CCDC38: variants seen among roughly 807,000 people sequenced by gnomAD.
The protein encoded by CCDC38 is coiled-coil domain containing 38.
Under a neutral mutation model 72.8 loss-of-function variants are expected in CCDC38, and 69 were observed. The ratio of observed to expected loss-of-function variants is 0.95; its 90% CI spans 0.78 to 1.16. CCDC38 has a LOEUF of 1.16. CCDC38 is among the 50% of genes most tolerant of loss of function. The pLI is 0.00. For missense variants in CCDC38, 626 were observed against 638.9 expected, an observed-to-expected ratio of 0.98 and a Z score of 0.22; for synonymous variants, 201 against 213.2, an observed-to-expected ratio of 0.94 and a Z score of 0.50.
chr12:95,932,512 A>G (rs922063048), intron 2 of CCDC38, among the ~76,000 whole-genome samples: 3 of 152,124 alleles, frequency 2.0e-5, no homozygotes, highest in African/African-American at 4.8e-5. Context: ...ACTGTCTCCA[A>G]TCGTACTGAT....
Position 95,898,401 on chromosome 12 carries a change from C to A in CCDC38, c.598G>T (p.Val200Leu). Residue 200 changes from valine (V) to leucine (L), a missense_variant, in exon 7 of 16, where the codon GTA becomes TTA. Transcript: ENST00000344280. ...TAELKKASME[V>L]QAVKSEIAKT... ...CACCCTCACCTTTTCACTGCTTGTA[C>A]CTCCATGCTTGCTTTCTTCAGCTCT... 6.2e-7 allele frequency: 1 copy of A among 1,614,166 alleles called. No homozygotes were observed. The highest frequency in any genetic ancestry group is 8.5e-7 in the Non-Finnish European group (1 of 1,180,032).
At chr12:95,927,018 G>A (rs1193199034) in intron 2 of CCDC38, among the ~76,000 whole-genome samples, 1 of 152,136 alleles carries the variant, frequency 6.6e-6, no homozygotes, top group Non-Finnish European at 1.5e-5. Flanking sequence ...TGTATATTCT[G>A]TTGATTTGGG....
rs148117716 is a variant in CCDC38 at position 95,869,744 on chromosome 12, C to T, written c.1485-171G>A. ...GGCTTTTGAATATTCAGGTAAATCTCGACAACAAATACTATTTTGAAATGG... is the reference window on the plus strand; with the variant it reads ...GGCTTTTGAATATTCAGGTAAATCTTGACAACAAATACTATTTTGAAATGG... On this transcript the variant is annotated intron_variant, in intron 14 of 15. Transcript: ENST00000344280. The T allele has an allele frequency of 5.0e-3, 2,708 of 536,996 alleles. 15 individuals are homozygous for T. Among genetic ancestry groups the T allele is most frequent in the Middle Eastern group, 9.5e-3 (20 of 2,102 alleles). The allele number at this position is 536,996 out of a possible 1,614,324, so 33.3% of individuals were successfully genotyped here.
chr12:95,935,418 C>T (rs1308436478), intron 2 of CCDC38: 1 of 166,870 alleles, frequency 6.0e-6, no homozygotes, highest in Non-Finnish European at 1.3e-5. Flanking sequence ...GATGTAATCA[C>T]TGGTGTGGAA....
intron 13 of CCDC38, among the ~76,000 whole-genome samples, chr12:95,875,317 G>A (rs1174059628): frequency 6.6e-6 from 1 of 152,148 alleles, no homozygotes; most frequent in African/African-American, 2.4e-5. Flanking sequence ...AAAATTTCTT[G>A]AGAGGTACAC....
chr12:95,911,145 C>T (rs1289442717), intron 4 of CCDC38, among the ~76,000 whole-genome samples: 1 of 151,982 alleles, frequency 6.6e-6, no homozygotes, highest in Non-Finnish European at 1.5e-5. Context: ...GGAGAGGATC[C>T]CCTTTTCAAT....
At chr12:95,928,727 T>A (rs2080301166) in intron 2 of CCDC38, among the ~76,000 whole-genome samples, 1 of 152,226 alleles carries the variant, frequency 6.6e-6, no homozygotes, top group South Asian at 2.1e-4. Flanking sequence ...GCTGTGGATG[T>A]CTTTTCTGTT....
chr12:95,870,305 T>C (rs1373892374), intron 14 of CCDC38, among the ~76,000 whole-genome samples: 1 of 152,184 alleles, frequency 6.6e-6, no homozygotes, highest in Non-Finnish European at 1.5e-5. Flanking sequence ...TGTCATACTC[T>C]CTTTAGGGTT....
intron 2 of CCDC38, among the ~76,000 whole-genome samples, chr12:95,928,327 G>T (rs1168170146): frequency 6.6e-6 from 1 of 152,146 alleles, no homozygotes; most frequent in East Asian, 1.9e-4. Flanking sequence ...CCAGTTGATC[G>T]CATCAGCTCC....
intron 13 of CCDC38, among the ~76,000 whole-genome samples, chr12:95,875,712 T>C (rs1373752517): frequency 6.6e-6 from 1 of 152,124 alleles, no homozygotes; most frequent in Non-Finnish European, 1.5e-5. Flanking sequence ...ACATTTCACA[T>C]CTCTAGAAGA....
intron 5 of CCDC38, among the ~76,000 whole-genome samples, chr12:95,900,218 G>A (rs2079936315): frequency 6.6e-6 from 1 of 152,170 alleles, no homozygotes; most frequent in African/African-American, 2.4e-5. Flanking sequence ...CTGGAGCAGA[G>A]TGAGCAAGAG....
chr12:95,918,345 A>G (rs942795922), intron 3 of CCDC38, among the ~76,000 whole-genome samples: 1 of 152,136 alleles, frequency 6.6e-6, no homozygotes, highest in African/African-American at 2.4e-5. Context: ...TCTTATCCAT[A>G]TCTGATTCTT....
chr12:95,870,058 G>A (rs1317791664), intron 14 of CCDC38, among the ~76,000 whole-genome samples: 1 of 152,044 alleles, frequency 6.6e-6, no homozygotes, highest in Non-Finnish European at 1.5e-5. Flanking sequence ...TCCTGACCTC[G>A]TGATCTGCCC....
chr12:95,908,280 C>G (rs1284573595), intron 4 of CCDC38, among the ~76,000 whole-genome samples: 2 of 151,146 alleles, frequency 1.3e-5, no homozygotes, highest in African/African-American at 2.4e-5. Context: ...GCCAACACAG[C>G]GAAACCCCGT....
At position 95,918,901 on chromosome 12, in the gene CCDC38, T is replaced by C. The variant is rs371858893; in HGVS notation, c.113A>G (p.Glu38Gly). ...CGTTTCCTTTGCTGCCATTTCATTT[T>C]CTTTGACAAGAAAGAGATCTCTGAA... ...IFFRDLFLVKENEMAAKETEK... is the reference protein window; with the variant it reads ...IFFRDLFLVKGNEMAAKETEK... The change falls in exon 3 of 16, where the codon GAA becomes GGA. Residue 38 changes from glutamate to glycine, a missense_variant. Physicochemically the swap from Glu to Gly is moderately conservative, Grantham distance 98 (BLOSUM62 -2). Coordinates refer to ENST00000344280, the MANE Select transcript of CCDC38 (RefSeq NM_182496.3). The C allele has an allele frequency of 1.1e-5, 17 of 1,610,722 alleles. No homozygotes were observed. Among genetic ancestry groups the C allele is most frequent in the Admixed American group, 1.0e-4 (6 of 59,968 alleles).
At chr12:95,935,614 A>C (rs2080384711) in intron 2 of CCDC38, 1 of 211,798 alleles carries the variant, frequency 4.7e-6, no homozygotes, top group Non-Finnish European at 1.0e-5. Context: ...CATTGTAAAT[A>C]CAAATAGTGT....
chr12:95,917,817 G>T (rs965676758), intron 3 of CCDC38, among the ~76,000 whole-genome samples: 5 of 146,246 alleles, frequency 3.4e-5, no homozygotes, highest in Non-Finnish European at 6.0e-5. Context: ...GTGGCAGTGA[G>T]CCGAGATCAC....
At chr12:95,876,550 T>G (rs1049576886) in intron 13 of CCDC38, among the ~76,000 whole-genome samples, 3 of 152,174 alleles carry the variant, frequency 2.0e-5, no homozygotes, top group Non-Finnish European at 4.4e-5. Flanking sequence ...TAAATTTGGT[T>G]ATGTATATTG....
chr12:95,913,261 G>A (rs915886705), intron 4 of CCDC38, among the ~76,000 whole-genome samples: 2 of 152,138 alleles, frequency 1.3e-5, no homozygotes, highest in Admixed American at 6.5e-5. Flanking sequence ...TGTGAAATGA[G>A]GATATTGCCT....
Sources: allele counts gnomAD v4.1 joint callset (sites outside exome capture counted in the v4.1 genomes callset), GRCh38; gene constraint gnomAD v4.1.1; transcripts MANE v1.5; gene names NCBI Gene and HGNC (gene_info 2026-07-23, HGNC 2026-07-21).